WWOX: variants seen among roughly 807,000 people sequenced by gnomAD.
The protein encoded by WWOX is WW domain-containing oxidoreductase.
In WWOX, 69 loss-of-function variants were observed where a neutral mutation model predicts 46.2. The observed-to-expected ratio is 1.49, with a 90% CI of 1.23 to 1.82. The LOEUF (loss-of-function observed/expected upper bound fraction) is 1.82. Among genes scored for constraint, WWOX ranks in the 40% most tolerant of loss-of-function variants. The probability of loss-of-function intolerance (pLI) is 0.00; values close to 1 mark genes in which losing one functional copy is unlikely to be tolerated. For synonymous variants in WWOX, 359 were observed against 202.6 expected (o/e 1.77, Z -6.56); for missense variants, 919 against 542.6 (o/e 1.69, Z -6.89).
intron 8 of WWOX, among the ~76,000 whole-genome samples, chr16:78,817,169 A>ATTT (rs1460643310): frequency 1.0e-3 from 27 of 26,548 alleles, no homozygotes; most frequent in Admixed American, 1.9e-3. Flanking sequence ...CATTAGTGCT[A>ATTT]TTCTTTTTTT....
chr16:78,424,727 A>G, intron 6 of WWOX, 143 bp from the exon 7 acceptor site: 2 of 981,704 alleles, frequency 2.0e-6, no homozygotes, highest in East Asian at 4.8e-5. Flanking sequence ...GAAGACGGAG[A>G]AAGAATTTCT....
chr16:79,207,839 C>G (rs887552084), intron 8 of WWOX, among the ~76,000 whole-genome samples: 3 of 151,890 alleles, frequency 2.0e-5, no homozygotes, highest in African/African-American at 7.3e-5. Context: ...GTACCCTTTC[C>G]TTTAAAGGAG....
Position 78,314,709 on chromosome 16 carries a change from T to G in WWOX, c.517-72151T>G, listed in dbSNP as rs7201372. On this transcript the variant is annotated intron_variant, in intron 5 of 8. Coordinates refer to ENST00000566780, the MANE Select transcript of WWOX (RefSeq NM_016373.4). Reference sequence around the variant, plus strand: ...AGGGGTTTTTTTTTTTTGTTTTTTTTTTTTTTTTTTTTCTGTATTTTCAGT... The same window carrying G: ...AGGGGTTTTTTTTTTTTGTTTTTTTGTTTTTTTTTTTTCTGTATTTTCAGT... Among the ~76,000 whole-genome samples the G allele has an allele frequency of 1.2e-3, 96 of 77,392 alleles. 1 individual carries two copies. The highest frequency in any genetic ancestry group is 3.4e-3 in the East Asian group (5 of 1,474). 50.8% of individuals were successfully genotyped at this position (77,392 alleles called of 152,430 possible).
At chr16:78,825,524 C>A in intron 8 of WWOX, 1 of 516,630 alleles carries the variant, frequency 1.9e-6, no homozygotes, top group South Asian at 1.4e-5. Context: ...TCCCACAGGG[C>A]ATTGTAGAGC....
chr16:78,281,723 TC>T (rs897081146), intron 5 of WWOX, among the ~76,000 whole-genome samples: 6 of 151,902 alleles, frequency 3.9e-5, no homozygotes, highest in African/African-American at 7.2e-5. Context: ...TATTATTCTT[TC>T]CCCCCCGCCC....
chr16:78,619,625 T>G (rs2738560), intron 8 of WWOX, among the ~76,000 whole-genome samples: 1 of 151,732 alleles, frequency 6.6e-6, no homozygotes, highest in Non-Finnish European at 1.5e-5. Context: ...ACCATGTGAA[T>G]TGGGCGTGGT....
chr16:78,780,931 C>T (rs981782665), intron 8 of WWOX, among the ~76,000 whole-genome samples: 1 of 152,184 alleles, frequency 6.6e-6, no homozygotes, highest in Non-Finnish European at 1.5e-5. Context: ...CAGAGAGCAG[C>T]AGCAGAAGTG....
intron 8 of WWOX, among the ~76,000 whole-genome samples, chr16:78,448,277 G>T (rs1308964644): frequency 1.3e-5 from 2 of 151,958 alleles, no homozygotes; most frequent in East Asian, 1.9e-4. Context: ...CTCAAGACGA[G>T]CAAAAAAGGC....
At chr16:78,922,576 A>G (rs1207000516) in intron 8 of WWOX, among the ~76,000 whole-genome samples, 1 of 152,074 alleles carries the variant, frequency 6.6e-6, no homozygotes, top group Non-Finnish European at 1.5e-5. Flanking sequence ...ACAGGGTTTC[A>G]CCATGTTGCC....
At chr16:78,826,707 A>C (rs2051667448) in intron 8 of WWOX, among the ~76,000 whole-genome samples, 1 of 152,136 alleles carries the variant, frequency 6.6e-6, no homozygotes, top group Non-Finnish European at 1.5e-5. Flanking sequence ...TGCCTTCACA[A>C]GTTGCAGGGA....
At chr16:78,347,884 T>C (rs970811680) in intron 5 of WWOX, among the ~76,000 whole-genome samples, 1 of 122,380 alleles carries the variant, frequency 8.2e-6, no homozygotes. Context: ...GTTGTACATA[T>C]CTTAAAAGTG....
At chr16:78,256,353 C>T (rs2038131800) in intron 5 of WWOX, among the ~76,000 whole-genome samples, 1 of 151,932 alleles carries the variant, frequency 6.6e-6, no homozygotes, top group African/African-American at 2.4e-5. Context: ...CTACTGGCCT[C>T]TACCGCTTCA....
chr16:78,575,045 ATATATATAT>A (rs1567655095), intron 8 of WWOX, among the ~76,000 whole-genome samples: 22 of 7,158 alleles, frequency 3.1e-3, no homozygotes, highest in Non-Finnish European at 3.5e-3. Flanking sequence ...ATATATATAT[ATATATATAT>A]ATATATATAT....
At chr16:78,198,631 T>A (rs1439379932) in intron 5 of WWOX, among the ~76,000 whole-genome samples, 1 of 152,212 alleles carries the variant, frequency 6.6e-6, no homozygotes, top group East Asian at 1.9e-4. Context: ...TGCCACTTCT[T>A]CAGCTGTTGA....
At chr16:78,412,777 A>T (rs1448399830) in intron 6 of WWOX, among the ~76,000 whole-genome samples, 1 of 152,188 alleles carries the variant, frequency 6.6e-6, no homozygotes, top group African/African-American at 2.4e-5. Context: ...AATGGAATTC[A>T]TTCAGCTGAT....
chr16:78,939,450 T>C (rs547843491), intron 8 of WWOX, among the ~76,000 whole-genome samples: 21 of 152,228 alleles, frequency 1.4e-4, no homozygotes, highest in Non-Finnish European at 1.9e-4. Context: ...GTGGCAAATA[T>C]GTATCCTTTA....
At chr16:78,241,873 C>G (rs566312925) in intron 5 of WWOX, among the ~76,000 whole-genome samples, 4 of 152,334 alleles carry the variant, frequency 2.6e-5, no homozygotes, top group South Asian at 4.1e-4. Flanking sequence ...CTGCCTCCAA[C>G]AGCATTGCCT....
intron 8 of WWOX, among the ~76,000 whole-genome samples, chr16:78,814,808 G>A (rs1003294695): frequency 3.3e-5 from 5 of 152,278 alleles, no homozygotes; most frequent in Admixed American, 1.3e-4. Flanking sequence ...AACTGTGGGC[G>A]TTGTCCCCAC....
At chr16:78,893,300 A>G (rs1473766604) in intron 8 of WWOX, among the ~76,000 whole-genome samples, 3 of 152,164 alleles carry the variant, frequency 2.0e-5, no homozygotes, top group Admixed American at 2.0e-4. Context: ...GTAAGCACAG[A>G]GTCAGGCCTC....
Sources: allele counts gnomAD v4.1 joint callset (sites outside exome capture counted in the v4.1 genomes callset), GRCh38; gene constraint gnomAD v4.1.1; transcripts MANE v1.5; gene names NCBI Gene and HGNC (gene_info 2026-07-23, HGNC 2026-07-21).